SPTBN5: variants seen among roughly 807,000 people sequenced by gnomAD.
SPTBN5 encodes the protein spectrin beta, non-erythrocytic 5, also known as spectrin beta chain, non-erythrocytic 5.
SPTBN5 carries 513 observed loss-of-function variants against 477.6 expected under a neutral mutation model. That is an observed-to-expected ratio of 1.07 (90% CI 1.00 to 1.16). The LOEUF is 1.16. Ranked by LOEUF, SPTBN5 falls within the 50% of genes most tolerant of loss-of-function variation. SPTBN5 has a pLI of 0.00. For missense variants in SPTBN5, 5,062 were observed against 4,731.8 expected (o/e 1.07, Z -2.05); for synonymous variants, 2,169 against 2,011.7 (o/e 1.08, Z -2.09).
In SPTBN5 at chr15:41,856,398, C is replaced by G; in HGVS notation, c.9009G>C (p.Gln3003His). ...TCACTCCCCTCACCTCAGTCAGAAA[C>G]TGCTGGGCCTCCTGAGCCTGCTGCA... is the stretch of plus-strand genomic sequence containing the variant. ...LLLQQAQEAQ[Q>H]FLTELLEAGS... The change falls in exon 53 of 68, where the codon CAG (glutamine) becomes CAC (histidine). Residue 3003 changes from glutamine (Q) to histidine (H), a missense_variant. Gln to His is a conservative substitution (Grantham distance 24). Transcript: ENST00000320955. The G allele has an allele frequency of 6.3e-7, 1 of 1,579,556 alleles. No homozygotes were observed. Among genetic ancestry groups the G allele is most frequent in the Non-Finnish European group, 8.6e-7 (1 of 1,160,506 alleles).
At chr15:41,852,134 T>C (rs1197662) in intron 62 of SPTBN5, 48 bp downstream of exon 62, 1,201,430 of 1,536,230 alleles carry the variant, frequency 0.78, 475,296 homozygotes, top group African/African-American at 0.85. Context: ...ACTGCATGCT[T>C]CAGGGAGACC....
At chr15:41,870,163 T>A in intron 31 of SPTBN5, 80 bp downstream of exon 31, 1 of 1,487,136 alleles carries the variant, frequency 6.7e-7, no homozygotes, top group African/African-American at 1.4e-5. Flanking sequence ...TGAGGGACAG[T>A]GGAAAATCTA....
At chr15:41,888,215 C>T in intron 4 of SPTBN5, 130 bp from the exon 5 acceptor site, 1 of 873,532 alleles carries the variant, frequency 1.1e-6, no homozygotes, top group Non-Finnish European at 1.7e-6. Context: ...CAGTGTGACT[C>T]TCCTCTCTTC....
At chr15:41,883,768 T>C (rs2067058318) in intron 7 of SPTBN5, among the ~76,000 whole-genome samples, 1 of 151,922 alleles carries the variant, frequency 6.6e-6, no homozygotes, top group Middle Eastern at 3.4e-3. Context: ...GAAAACTCCA[T>C]CCTTCCAGGC....
intron 7 of SPTBN5, among the ~76,000 whole-genome samples, chr15:41,885,016 A>G (rs1300510251): frequency 1.3e-5 from 2 of 151,838 alleles, no homozygotes; most frequent in African/African-American, 4.8e-5. Context: ...TCATTCCCCT[A>G]TCCTCCTTTA....
rs753281451 is a variant in SPTBN5, at chr15:41,881,957, C to A, written c.2436G>T (p.Ser812=). ...RRLEEQGRAA[S]ARASLFTVNS... is the part of the protein sequence containing the mutation. ...TCACCGTGAATAACGACGCCCGGGC[C>A]GAGGCCGCCCGCCCCTGCTCCTCCA... The change falls in exon 12 of 68, where the codon TCG becomes TCT. Residue 812 remains serine (S), a synonymous_variant. Coordinates refer to ENST00000320955, the MANE Select transcript of SPTBN5 (RefSeq NM_016642.4). 5.2e-6 allele frequency: 8 copies of A among 1,527,710 alleles called. No individual in the cohort carries two copies. The South Asian group carries it at 8.4e-5, about 16-fold the overall frequency. The allele number at this position is 1,527,710 out of a possible 1,614,324, so 94.6% of individuals were successfully genotyped here. A position where few individuals can be genotyped will look rare whatever the true frequency, so the allele number is the denominator to read the frequency against.
chr15:41,857,493 G>A lies in SPTBN5; in HGVS notation c.8366C>T (p.Ala2789Val), dbSNP rs1433449143. 6.2e-7 allele frequency: 1 copy of A among 1,605,786 alleles called. No individual in the cohort carries two copies. Among genetic ancestry groups the A allele is most frequent in the East Asian group, 2.2e-5 (1 of 44,634 alleles). ...CTCCATGCTCCGCCGCAGACGCAGG[G>A]CCTAGGGTAGAAAGTGAGGTAGGCA... Reference protein sequence around the residue: ...KVAKLQKACEALRLRRSMEEL... With the variant: ...KVAKLQKACEVLRLRRSMEEL... Residue 2789 changes from alanine to valine, a missense_variant and splice_region_variant, in exon 51 of 68, where the codon GCC (alanine) becomes GTC (valine). Physicochemically the swap from Ala to Val is moderately conservative, Grantham distance 64. Coordinates refer to ENST00000320955, the MANE Select transcript of SPTBN5 (RefSeq NM_016642.4).
intron 67 of SPTBN5, 21 bp downstream of exon 67, chr15:41,849,848 T>TC (rs1276572000): frequency 5.8e-6 from 9 of 1,552,958 alleles, no homozygotes; most frequent in Non-Finnish European, 7.8e-6. Flanking sequence ...CCGCCCTGCT[T>TC]CCCCCACCCA....
At position 41,876,232 on chromosome 15, in the gene SPTBN5, A is replaced by G. The variant is rs767554604; in HGVS notation, c.4004T>C (p.Leu1335Pro). The change falls in exon 21 of 68, where the codon CTG becomes CCG. Residue 1335 changes from leucine (L) to proline (P), a missense_variant. Leu to Pro is a moderately conservative substitution (Grantham distance 98). Transcript: ENST00000320955. Reference protein sequence around the residue: ...ELMQWMEEKGLMAAHEPSGAR... With the variant: ...ELMQWMEEKGPMAAHEPSGAR... ...TCCGGAGGGCTCATGCGCAGCCATCAGCCCCTTCTCTTCCATCCACTGCAT... is the reference window on the plus strand; with the variant it reads ...TCCGGAGGGCTCATGCGCAGCCATCGGCCCCTTCTCTTCCATCCACTGCAT... 3.1e-6 allele frequency: 5 copies of G among 1,601,918 alleles called. No homozygotes were observed. Among genetic ancestry groups the G allele is most frequent in the Admixed American group, 1.7e-5 (1 of 59,914 alleles).
intron 3 of SPTBN5, among the ~76,000 whole-genome samples, chr15:41,890,589 C>T (rs1487303808): frequency 6.6e-6 from 1 of 152,262 alleles, no homozygotes; most frequent in Non-Finnish European, 1.5e-5. Context: ...TGTCTGCCTC[C>T]ATCTCCCAGG....
chr15:41,888,524 G>T (rs955131394), intron 4 of SPTBN5, among the ~76,000 whole-genome samples: 2 of 152,214 alleles, frequency 1.3e-5, no homozygotes, highest in Non-Finnish European at 2.9e-5. Flanking sequence ...GCAGTGGCAC[G>T]ATCTCGGCTC....
At position 41,851,043 on chromosome 15, in the gene SPTBN5, A is replaced by G. The variant is rs894862086; in HGVS notation, c.10835+16T>C. The G allele has an allele frequency of 1.9e-6, 3 of 1,608,432 alleles. No homozygotes were observed. The African/African-American group carries it at 4.0e-5, about 21-fold the overall frequency. The stretch of plus-strand genomic sequence containing the variant: ...GCTGCTGGGGGTGATGCCGGAGTCC[A>G]TGTCTCTCCGCTCACCTTAAGGAGA... On this transcript the variant is annotated intron_variant, in intron 65 of 67. Coordinates refer to ENST00000320955, the MANE Select transcript of SPTBN5 (RefSeq NM_016642.4).
Position 41,867,124 on chromosome 15 carries a change from C to T in SPTBN5, c.6315G>A (p.Glu2105=), listed in dbSNP as rs1282432297. Residue 2105 remains glutamate, a splice_region_variant and synonymous_variant, in exon 36 of 68, where the codon GAG becomes GAA. Coordinates refer to ENST00000320955, the MANE Select transcript of SPTBN5 (RefSeq NM_016642.4). ...TCTTCAGCCGCTCACGCAGGGCTGC[C>T]TCCTGTGGGGCAGGGGCACAGCTGC... The part of the protein sequence containing the change: ...LKVLTAQDKK[E]AALRERLKTL... 24 of 1,530,472 alleles carry T rather than the reference C, an allele frequency of 1.6e-5. No homozygotes were observed. The highest frequency in any genetic ancestry group is 2.0e-5 in the Non-Finnish European group (23 of 1,141,924). 94.8% of individuals were successfully genotyped at this position (1,530,472 alleles called of 1,614,324 possible). A position where few individuals can be genotyped will look rare whatever the true frequency, so the allele number is the denominator to read the frequency against.
chr15:41,872,376 G>A lies in SPTBN5; in HGVS notation c.5091C>T (p.Val1697=). 1 of 1,610,584 alleles carries A rather than the reference G, an allele frequency of 6.2e-7. No individual in the cohort carries two copies. The highest frequency in any genetic ancestry group is 8.5e-7 in the Non-Finnish European group (1 of 1,179,096). ...QTAQTLTGPE[V]PEQQRVVQER... ...CCTGCACCACACGCTGCTGCTCAGG[G>A]ACTTCGGGGCCAGTGAGGGTTTGGG... Residue 1697 remains valine (V), a synonymous_variant, in exon 27 of 68, where the codon GTC becomes GTT. Coordinates refer to ENST00000320955, the MANE Select transcript of SPTBN5 (RefSeq NM_016642.4).
Position 41,868,542 on chromosome 15 carries a change from A to G in SPTBN5, c.5913T>C (p.Ser1971=). The G allele has an allele frequency of 6.2e-7, 1 of 1,605,522 alleles. No individual in the cohort carries two copies. Among genetic ancestry groups the G allele is most frequent in the Non-Finnish European group, 8.5e-7 (1 of 1,179,592 alleles). Residue 1971 remains serine (S), a synonymous_variant, in exon 33 of 68, where the codon AGT becomes AGC. Coordinates refer to ENST00000320955, the MANE Select transcript of SPTBN5 (RefSeq NM_016642.4). ...RVRQDLQVEE[S]SQEPSSGPLK... is the part of the protein sequence containing the mutation. ...GCGGGCCACTGCTAGGCTCTTGCGA[A>G]CTCTCCTCCACCTGCAGGTCCTGGC...
At chr15:41,877,389 C>T in intron 17 of SPTBN5, 33 bp from the exon 18 acceptor site, 6 of 1,591,552 alleles carry the variant, frequency 3.8e-6, no homozygotes, top group East Asian at 2.3e-5. Context: ...AGTCAAACCC[C>T]AGCAGGCTCC....
chr15:41,890,330 G>A (rs2067272927), intron 3 of SPTBN5, 125 bp from the exon 4 acceptor site: 19 of 679,988 alleles, frequency 2.8e-5, no homozygotes, highest in Non-Finnish European at 5.3e-6. Context: ...CCAGCTGGGA[G>A]TTCCCTCAGG....
rs946119646 is a variant in SPTBN5 at position 41,854,987 on chromosome 15, A to G, written c.9424-11T>C. The G allele has an allele frequency of 3.3e-6, 5 of 1,532,026 alleles. No homozygotes were observed. Among genetic ancestry groups the G allele is most frequent in the Admixed American group, 2.1e-5 (1 of 48,676 alleles). The allele number at this position is 1,532,026 out of a possible 1,614,324, so 94.9% of individuals were successfully genotyped here. A position where few individuals can be genotyped will look rare whatever the true frequency, so the allele number is the denominator to read the frequency against. ...CTTCTCTTCCAGCACCTGCAAAGGT[A>G]TGAGGCCCAGCAGGGTCACTTGAGA... On this transcript the variant is annotated splice_polypyrimidine_tract_variant and intron_variant, in intron 55 of 67. Coordinates refer to ENST00000320955, the MANE Select transcript of SPTBN5 (RefSeq NM_016642.4).
chr15:41,853,187 G>A (rs2065829628), intron 59 of SPTBN5, 71 bp downstream of exon 59: 3 of 1,522,242 alleles, frequency 2.0e-6, no homozygotes, highest in Non-Finnish European at 2.7e-6. Flanking sequence ...ATGCCTGTGA[G>A]GGGCCCTGAG....
Sources: gnomAD v4.1 joint callset for allele counts (sites outside exome capture counted in the v4.1 genomes callset) on GRCh38, gnomAD v4.1.1 for gene constraint, MANE v1.5 for transcripts, NCBI Gene and HGNC (gene_info 2026-07-23, HGNC 2026-07-21) for gene names.